The following ZNF568 variants were observed in gnomAD, a reference collection of about 807,000 sequenced individuals.
ZNF568 encodes zinc finger protein 568.
A neutral mutation model predicts 18.1 loss-of-function variants in ZNF568; 11 were observed. The observed-to-expected ratio is 0.61, with a 90% CI of 0.38 to 1.00. The LOEUF (loss-of-function observed/expected upper bound fraction) is 1.00. Ranked by LOEUF, ZNF568 falls within the 50% of genes least tolerant of loss-of-function variation. The probability of loss-of-function intolerance (pLI) is 0.01; values close to 1 mark genes in which losing one functional copy is unlikely to be tolerated. For missense variants in ZNF568, 639 were observed against 768.2 expected (o/e 0.83, Z 1.99); for synonymous variants, 213 against 246.6 (o/e 0.86, Z 1.28).
rs539481346 is a variant in ZNF568 at position 36,930,853 on chromosome 19, C to T, written c.135+5595C>T. On this transcript the variant is annotated intron_variant, in intron 4 of 6. Transcript: ENST00000333987. ...AAATTTTGAAGCCAGAGTTTGAACC[C>T]ATGACATTGGATACCACAGCCTATT... Among the ~76,000 whole-genome samples the T allele has an allele frequency of 9.2e-5, 14 of 152,244 alleles. No individual in the cohort carries two copies. In the East Asian group the frequency reaches 2.5e-3, roughly 27 times the overall value.
At chr19:36,975,214 C>G (rs1318039275) in intron 7 of ZNF568, among the ~76,000 whole-genome samples, 1 of 150,492 alleles carries the variant, frequency 6.6e-6, no homozygotes, top group East Asian at 2.0e-4. Flanking sequence ...ATGGCACAAT[C>G]TCGGCTCACT....
rs146868921 is a variant in ZNF568, at chr19:36,978,316, A to T, written c.406-688A>T. On this transcript the variant is annotated intron_variant, in intron 7 of 7. Transcript: ENST00000427117. ...TCCTGGCAGGTATAACCTGTCATTCAAAACATTTCCTGCCCTGATTCCTGT... is the reference window on the plus strand; with the variant it reads ...TCCTGGCAGGTATAACCTGTCATTCTAAACATTTCCTGCCCTGATTCCTGT... Among the ~76,000 whole-genome samples the T allele has an allele frequency of 3.1e-3, 468 of 152,322 alleles. 5 individuals carry two copies. Among genetic ancestry groups the T allele is most frequent in the African/African-American group, 0.011 (451 of 41,578 alleles).
At chr19:36,924,799 C>G (rs1012349811) in intron 3 of ZNF568, among the ~76,000 whole-genome samples, 2 of 150,712 alleles carry the variant, frequency 1.3e-5, no homozygotes, top group East Asian at 4.0e-4. Context: ...CCACTGCACT[C>G]CAGCCTGGAC....
rs548276470 is a variant in ZNF568 at position 36,996,498 on chromosome 19, C to T, written c.411C>T (p.Cys137=). The change falls in exon 5 of 5, where the codon TGC becomes TGT. Residue 137 remains cysteine (C), a synonymous_variant. Coordinates refer to the ZNF568 transcript ENST00000433993. ...TAATACCATTTACTTCCATGCAGTG[C>T]ACAGCCCATAGAGAATATCAGTGGC... is the stretch of plus-strand genomic sequence containing the variant. 3.9e-6 allele frequency: 6 copies of T among 1,536,378 alleles called. No homozygotes were observed. In the South Asian group the frequency reaches 7.1e-5, roughly 18 times the overall value.
chr19:36,950,893 C>T lies in ZNF568; in HGVS notation c.1740C>T (p.His580=). ...CCCTCACTCTTCATGTGAGAAGTCACACAGGGGAGAAACCCTATGAATGTA... is the reference window on the plus strand; with the variant it reads ...CCCTCACTCTTCATGTGAGAAGTCATACAGGGGAGAAACCCTATGAATGTA... The part of the protein sequence containing the change: ...ISSLTLHVRS[H]TGEKPYECNK... The change falls in exon 7 of 7, where the codon CAC becomes CAT. Residue 580 remains histidine (H), a synonymous_variant. Transcript: ENST00000333987. 1 of 1,613,382 alleles carries T rather than the reference C, an allele frequency of 6.2e-7. No homozygotes were observed. Among genetic ancestry groups the T allele is most frequent in the Non-Finnish European group, 8.5e-7 (1 of 1,179,724 alleles).
chr19:36,983,587 C>CATTA (rs1162904884), downstream of ZNF568, among the ~76,000 whole-genome samples: 1 of 152,108 alleles, frequency 6.6e-6, no homozygotes, highest in African/African-American at 2.4e-5. Context: ...TATATGCAGC[C>CATTA]ATTAGATCAA....
intron 2 of ZNF568, among the ~76,000 whole-genome samples, chr19:36,920,225 A>G (rs1454511795): frequency 6.6e-6 from 1 of 151,256 alleles, no homozygotes; most frequent in Admixed American, 6.6e-5. Context: ...AAAATTTTTA[A>G]GAAGATAGCT....
chr19:36,957,102 C>T (rs1244096603), downstream of ZNF568, among the ~76,000 whole-genome samples: 6 of 151,802 alleles, frequency 4.0e-5, no homozygotes, highest in East Asian at 1.2e-3. Context: ...TACATTCAGT[C>T]ACATGTCATG....
intron 6 of ZNF568, among the ~76,000 whole-genome samples, chr19:36,945,245 GTGTGTGTA>G (rs1326464175): frequency 2.7e-5 from 4 of 149,954 alleles, no homozygotes; most frequent in African/African-American, 9.8e-5. Flanking sequence ...GTGTGTGTGT[GTGTGTGTA>G]TAAAATATAT....
At chr19:36,991,116 T>C (rs2146349025) in intron 2 of ZNF568, 2 of 1,486,158 alleles carry the variant, frequency 1.3e-6, no homozygotes, top group Admixed American at 4.4e-5. Context: ...TTTTCTTTTA[T>C]GTTGTCTTAA....
intron 2 of ZNF568, among the ~76,000 whole-genome samples, chr19:36,919,345 T>A (rs1309279023): frequency 6.6e-6 from 1 of 152,192 alleles, no homozygotes; most frequent in Non-Finnish European, 1.5e-5. Flanking sequence ...ATGTATGGAC[T>A]ATATACATAC....
At chr19:36,965,771 G>A (rs112526594) in intron 6 of ZNF568, among the ~76,000 whole-genome samples, 1,935 of 149,084 alleles carry the variant, frequency 0.013, 48 homozygotes, top group African/African-American at 0.045. Context: ...GCGTGATCTC[G>A]GCTCACTGCA....
intron 3 of ZNF568, 33 bp downstream of exon 3, chr19:36,922,879 A>G: frequency 1.3e-6 from 2 of 1,596,568 alleles, no homozygotes; most frequent in Non-Finnish European, 1.7e-6. Flanking sequence ...AGAGCTTAGG[A>G]GAGAAAGGCT....
At chr19:36,918,806 C>T (rs61408379) in intron 2 of ZNF568, among the ~76,000 whole-genome samples, 2,057 of 152,230 alleles carry the variant, frequency 0.014, 58 homozygotes, top group African/African-American at 0.047. Flanking sequence ...CCCTTTCCCC[C>T]GGCCTATGGC....
At chr19:36,934,376 A>T (rs1408808533) in intron 4 of ZNF568, among the ~76,000 whole-genome samples, 1 of 148,296 alleles carries the variant, frequency 6.7e-6, no homozygotes, top group African/African-American at 2.5e-5. Flanking sequence ...TGGCATGATC[A>T]TGGCTCAGTG....
rs77828090 is a variant in ZNF568, at chr19:36,949,595, A to T, written c.442A>T (p.Ile148Leu). The change falls in exon 7 of 7, where the codon ATA becomes TTA. Residue 148 changes from isoleucine (I) to leucine (L), a missense_variant. By Grantham distance (5) the Ile-to-Leu change is conservative. Transcript: ENST00000333987. ...KVTSISKKILIKEKVIECKKV... is the reference protein window; with the variant it reads ...KVTSISKKILLKEKVIECKKV... Reference sequence around the variant, plus strand: ...CACATCCATCTCCAAGAAAATTCTGATAAAGGAAAAAGTCATTGAATGTAA... The same window carrying T: ...CACATCCATCTCCAAGAAAATTCTGTTAAAGGAAAAAGTCATTGAATGTAA... 15,999 of 1,613,552 alleles carry T rather than the reference A, an allele frequency of 9.9e-3. 123 individuals are homozygous for T. The highest frequency in any genetic ancestry group is 0.025 in the African/African-American group (1,891 of 75,010).
chr19:36,982,513 A>G (rs2074339789), downstream of ZNF568, among the ~76,000 whole-genome samples: 1 of 152,158 alleles, frequency 6.6e-6, no homozygotes, highest in African/African-American at 2.4e-5. Flanking sequence ...AGCCTGGCCA[A>G]CATGGTGAAA....
exon 5 of ZNF568, chr19:36,996,872 C>T: frequency 6.5e-7 from 1 of 1,539,864 alleles, no homozygotes; most frequent in Non-Finnish European, 8.7e-7. Flanking sequence ...GGTGAGAAAC[C>T]CTATAAGTGT....
intron 6 of ZNF568, among the ~76,000 whole-genome samples, chr19:36,946,858 G>C (rs2073975165): frequency 6.6e-6 from 1 of 151,792 alleles, no homozygotes; most frequent in Admixed American, 6.6e-5. Context: ...CTCCATGTTA[G>C]TCAGGCTGAA....
Sources: allele counts gnomAD v4.1 joint callset (sites outside exome capture counted in the v4.1 genomes callset), GRCh38; gene constraint gnomAD v4.1.1; transcripts MANE v1.5; gene names NCBI Gene and HGNC (gene_info 2026-07-23, HGNC 2026-07-21).